EXT2: variants seen among roughly 807,000 people sequenced by gnomAD.
EXT2 encodes the protein exostosin glycosyltransferase 2, also known as exostosin-2.
Under a neutral mutation model 81.6 loss-of-function variants are expected in EXT2, and 53 were observed. The observed-to-expected ratio is 0.65, with a 90% CI of 0.52 to 0.82. The LOEUF (loss-of-function observed/expected upper bound fraction) is 0.82, where lower values mean the gene tolerates loss of function less well. Ranked by LOEUF, EXT2 falls within the 40% of genes least tolerant of loss-of-function variation. The pLI is 0.00. For synonymous variants in EXT2, 320 were observed against 340.0 expected (o/e 0.94, Z 0.65); for missense variants, 774 against 910.2 (o/e 0.85, Z 1.93).
At chr11:44,106,614 G>A (rs1954058492) in intron 1 of EXT2, among the ~76,000 whole-genome samples, 1 of 152,098 alleles carries the variant, frequency 6.6e-6, no homozygotes, top group African/African-American at 2.4e-5. Context: ...TGGTTTGAAT[G>A]AATAAGTGAA....
chr11:44,096,087 G>A lies in EXT2; in HGVS notation c.-31+235G>A, dbSNP rs979614904. The A allele has an allele frequency of 2.1e-5, 15 of 705,216 alleles. No individual in the cohort carries two copies. The African/African-American group carries it at 2.6e-4, about 12-fold the overall frequency. The allele number at this position is 705,216 out of a possible 1,614,324, so 43.7% of individuals were successfully genotyped here. On this transcript the variant is annotated intron_variant, in intron 1 of 13. Transcript: ENST00000533608. ...TGCTTCTCCTTCTCCTCCGGCGGCG[G>A]CCGCGCTTTCAGCATCTTGGTACCC...
intron 10 of EXT2, among the ~76,000 whole-genome samples, chr11:44,208,948 T>C (rs1384496253): frequency 6.6e-6 from 1 of 152,214 alleles, no homozygotes; most frequent in Non-Finnish European, 1.5e-5. Context: ...GTCACAAAAT[T>C]ATTTTGACTC....
At chr11:44,206,301 A>G (rs1590646713) in intron 9 of EXT2, among the ~76,000 whole-genome samples, 1 of 152,212 alleles carries the variant, frequency 6.6e-6, no homozygotes, top group Non-Finnish European at 1.5e-5. Flanking sequence ...GCTGCAGGCA[A>G]GTTTTCAGCT....
At chr11:44,146,506 G>A (rs1384040716) in intron 7 of EXT2, among the ~76,000 whole-genome samples, 3 of 152,150 alleles carry the variant, frequency 2.0e-5, no homozygotes, top group East Asian at 1.9e-4. Flanking sequence ...AAGGCCAGAC[G>A]GGATAGGAGC....
chr11:44,195,172 C>T (rs1474987577), intron 8 of EXT2, among the ~76,000 whole-genome samples: 4 of 152,110 alleles, frequency 2.6e-5, no homozygotes, highest in Non-Finnish European at 5.9e-5. Flanking sequence ...CGGTGGCTCA[C>T]ACCTGTAATC....
intron 2 of EXT2, among the ~76,000 whole-genome samples, chr11:44,108,815 T>C (rs1268065146): frequency 6.6e-6 from 1 of 152,230 alleles, no homozygotes; most frequent in Admixed American, 6.5e-5. Flanking sequence ...GACATAATTT[T>C]ATGTTCTTTT....
intron 3 of EXT2, among the ~76,000 whole-genome samples, chr11:44,111,858 C>CA (rs1235483213): frequency 1.3e-5 from 2 of 152,094 alleles, no homozygotes; most frequent in Non-Finnish European, 2.9e-5. Context: ...ACAGCCTTTT[C>CA]AAAAAATGTA....
intron 7 of EXT2, among the ~76,000 whole-genome samples, chr11:44,136,447 T>C (rs1954568774): frequency 6.6e-6 from 1 of 152,222 alleles, no homozygotes; most frequent in Admixed American, 6.5e-5. Context: ...CAGAGCTGTG[T>C]GGCCTGGATT....
Position 44,166,922 on chromosome 11 carries a change from C to T in EXT2, c.1174-4689C>T, listed in dbSNP as rs115630660. ...AAAGAATAGCTGATACTGGAGCAAC[C>T]CTCCTGCCAAAAGAAGAAAAAATTA... On this transcript the variant is annotated intron_variant, in intron 7 of 13. Coordinates refer to ENST00000533608, the MANE Select transcript of EXT2 (RefSeq NM_207122.2). Among the ~76,000 whole-genome samples the T allele has an allele frequency of 5.5e-3, 837 of 152,246 alleles. 13 individuals carry two copies. Among genetic ancestry groups the T allele is most frequent in the African/African-American group, 0.019 (794 of 41,536 alleles).
chr11:44,109,755 C>CCCTG (rs1385581631), intron 3 of EXT2, among the ~76,000 whole-genome samples: 4 of 152,336 alleles, frequency 2.6e-5, no homozygotes, highest in East Asian at 1.9e-4. Flanking sequence ...CTCCCTCCCT[C>CCCTG]CCTGCCTGCC....
chr11:44,206,009 A>T (rs1202636199), intron 9 of EXT2, among the ~76,000 whole-genome samples: 1 of 152,202 alleles, frequency 6.6e-6, no homozygotes, highest in African/African-American at 2.4e-5. Context: ...TGGGAAAAAA[A>T]TGTAAGGCAC....
At position 44,144,214 on chromosome 11, in the gene EXT2, A is replaced by T. The variant is rs563441969; in HGVS notation, c.1173+14076A>T. On this transcript the variant is annotated intron_variant, in intron 7 of 13. Coordinates refer to ENST00000533608, the MANE Select transcript of EXT2 (RefSeq NM_207122.2). ...CTTATTTATTTATTTTTGATGACAC[A>T]TCTTGATTAAAGGTTTCCAATTCAC... 14 of 1,567,418 alleles carry T rather than the reference A, an allele frequency of 8.9e-6. No homozygotes were observed. The African/African-American group carries it at 1.6e-4, about 18-fold the overall frequency.
intron 6 of EXT2, among the ~76,000 whole-genome samples, chr11:44,129,839 T>TA (rs769998451): frequency 4.6e-5 from 7 of 150,882 alleles, no homozygotes; most frequent in African/African-American, 9.8e-5. Flanking sequence ...GAGTGGGAGG[T>TA]AAAAAAATGG....
intron 9 of EXT2, among the ~76,000 whole-genome samples, chr11:44,203,951 T>A (rs1428408209): frequency 6.6e-6 from 1 of 152,240 alleles, no homozygotes; most frequent in African/African-American, 2.4e-5. Context: ...TGAGAGGCAA[T>A]AAAGTGATAA....
At chr11:44,192,451 C>T (rs1238388187) in intron 8 of EXT2, among the ~76,000 whole-genome samples, 1 of 152,210 alleles carries the variant, frequency 6.6e-6, no homozygotes, top group East Asian at 1.9e-4. Context: ...CTATACCAGG[C>T]TTATAGTGTA....
chr11:44,110,125 A>C (rs1459960239), intron 3 of EXT2, among the ~76,000 whole-genome samples: 1 of 152,206 alleles, frequency 6.6e-6, no homozygotes, highest in Non-Finnish European at 1.5e-5. Flanking sequence ...TCTTAAACTC[A>C]TTGTTAACTG....
intron 4 of EXT2, among the ~76,000 whole-genome samples, chr11:44,122,470 A>G (rs1954332795): frequency 6.6e-6 from 1 of 152,192 alleles, no homozygotes; most frequent in Non-Finnish European, 1.5e-5. Flanking sequence ...TCTCGCCATC[A>G]CTAAGTCATC....
chr11:44,190,765 T>C (rs1955381482), intron 8 of EXT2, among the ~76,000 whole-genome samples: 1 of 152,206 alleles, frequency 6.6e-6, no homozygotes, highest in Admixed American at 6.5e-5. Flanking sequence ...GCAAGAACGC[T>C]TCAGAATGGC....
At chr11:44,207,397 G>T (rs1179375431) in intron 10 of EXT2, among the ~76,000 whole-genome samples, 1 of 152,200 alleles carries the variant, frequency 6.6e-6, no homozygotes, top group African/African-American at 2.4e-5. Flanking sequence ...AAGTGGAGAG[G>T]CTGGCTGCCT....
Sources: gnomAD v4.1 joint callset for allele counts (sites outside exome capture counted in the v4.1 genomes callset) on GRCh38, gnomAD v4.1.1 for gene constraint, MANE v1.5 for transcripts, NCBI Gene and HGNC (gene_info 2026-07-23, HGNC 2026-07-21) for gene names.